Variants in FAM135B observed in about 807,000 individuals in gnomAD.
FAM135B encodes the protein family with sequence similarity 135 member B, also known as protein FAM135B.
In FAM135B, 43 loss-of-function variants were observed where a neutral mutation model predicts 127.7. The ratio of observed to expected loss-of-function variants is 0.34; its 90% CI spans 0.26 to 0.43. The LOEUF is 0.43. Among genes scored for constraint, FAM135B ranks in the 20% least tolerant of loss-of-function variants. The probability of loss-of-function intolerance (pLI) is 1.00; values close to 1 mark genes in which losing one functional copy is unlikely to be tolerated. For missense variants in FAM135B, 1,558 were observed against 1,725.6 expected, an observed-to-expected ratio of 0.90 and a Z score of 1.72; for synonymous variants, 670 against 665.1, an observed-to-expected ratio of 1.01 and a Z score of -0.11.
At position 138,299,375 on chromosome 8, in the gene FAM135B, T is replaced by C. The variant is rs535158649; in HGVS notation, c.157+11466A>G. 5.9e-5 allele frequency among the ~76,000 whole-genome samples: 9 copies of C among 152,284 alleles called. No homozygotes were observed. The South Asian group carries it at 1.9e-3, about 32-fold the overall frequency. On this transcript the variant is annotated intron_variant, in intron 3 of 19. Transcript: ENST00000395297. ...GAGGAAAGAGAAAATTTCATGTTTT[T>C]ATTATGCAGATGAACTCCCCCCTCC...
intron 2 of FAM135B, among the ~76,000 whole-genome samples, chr8:138,351,207 C>T (rs976807198): frequency 6.6e-6 from 1 of 152,170 alleles, no homozygotes; most frequent in Non-Finnish European, 1.5e-5. Context: ...TGCTCAAGTC[C>T]TAACTCCTAG....
intron 7 of FAM135B, among the ~76,000 whole-genome samples, chr8:138,210,062 G>A (rs961554203): frequency 6.6e-6 from 1 of 152,170 alleles, no homozygotes; most frequent in African/African-American, 2.4e-5. Flanking sequence ...GTCAAGCAAT[G>A]ATTACTCCCA....
intron 1 of FAM135B, among the ~76,000 whole-genome samples, chr8:138,474,265 C>T (rs1443803093): frequency 6.6e-6 from 1 of 152,090 alleles, no homozygotes; most frequent in African/African-American, 2.4e-5. Context: ...CCAGACAGAC[C>T]CCCACGAACA....
At chr8:138,210,543 G>T (rs563380860) in intron 7 of FAM135B, among the ~76,000 whole-genome samples, 15 of 152,166 alleles carry the variant, frequency 9.9e-5, no homozygotes, top group Non-Finnish European at 1.3e-4. Flanking sequence ...GGGGAAGCAA[G>T]CACTTTCTTC....
intron 1 of FAM135B, among the ~76,000 whole-genome samples, chr8:138,368,526 A>G (rs987338647): frequency 2.6e-5 from 4 of 152,202 alleles, no homozygotes; most frequent in Admixed American, 2.0e-4. Flanking sequence ...ATACTGAATA[A>G]GTTTTTGCTA....
chr8:138,192,978 G>A (rs1472186254), intron 9 of FAM135B, among the ~76,000 whole-genome samples: 1 of 152,196 alleles, frequency 6.6e-6, no homozygotes, highest in East Asian at 1.9e-4. Context: ...AAGTCACACA[G>A]TGAGTAGGTA....
At chr8:138,461,115 G>A (rs1232431960) in intron 1 of FAM135B, among the ~76,000 whole-genome samples, 1 of 152,046 alleles carries the variant, frequency 6.6e-6, no homozygotes, top group African/African-American at 2.4e-5. Context: ...GTCAGTCACT[G>A]GTCACTTCCA....
At chr8:138,264,038 G>A (rs905923713) in intron 4 of FAM135B, among the ~76,000 whole-genome samples, 20 of 152,158 alleles carry the variant, frequency 1.3e-4, no homozygotes, top group Admixed American at 1.1e-3. Flanking sequence ...GGGCCTCCCT[G>A]CTCCATCTTC....
chr8:138,463,171 G>A (rs933051653), intron 1 of FAM135B, among the ~76,000 whole-genome samples: 1 of 152,152 alleles, frequency 6.6e-6, no homozygotes, highest in African/African-American at 2.4e-5. Context: ...TGCTTCATCG[G>A]GTTCTGTTGC....
intron 1 of FAM135B, chr8:138,436,747 T>C (rs1044319421): frequency 6.6e-6 from 1 of 152,218 alleles, no homozygotes; most frequent in East Asian, 1.9e-4. Context: ...TGAAGTTAAA[T>C]GAGCTGGTAA....
At chr8:138,146,326 A>G (rs574571024) in intron 14 of FAM135B, among the ~76,000 whole-genome samples, 1 of 152,176 alleles carries the variant, frequency 6.6e-6, no homozygotes, top group Non-Finnish European at 1.5e-5. Flanking sequence ...CACTCTGCAT[A>G]CAGGAACAGT....
intron 1 of FAM135B, among the ~76,000 whole-genome samples, chr8:138,433,574 T>C (rs1028249204): frequency 4.0e-5 from 6 of 149,790 alleles, no homozygotes; most frequent in African/African-American, 1.5e-4. Context: ...AATAAAATAA[T>C]TTTAAAAGAG....
chr8:138,406,480 C>T (rs915811544), intron 1 of FAM135B, among the ~76,000 whole-genome samples: 6 of 151,274 alleles, frequency 4.0e-5, no homozygotes, highest in Non-Finnish European at 8.8e-5. Context: ...AGACAAATAT[C>T]CTTGATGAAC....
intron 7 of FAM135B, among the ~76,000 whole-genome samples, chr8:138,228,374 A>G (rs1224506901): frequency 6.6e-6 from 1 of 152,126 alleles, no homozygotes; most frequent in East Asian, 1.9e-4. Flanking sequence ...CTCCTGGTTA[A>G]TAACTATTGC....
intron 3 of FAM135B, among the ~76,000 whole-genome samples, chr8:138,307,125 C>T (rs898554389): frequency 1.3e-5 from 2 of 152,168 alleles, no homozygotes; most frequent in Non-Finnish European, 2.9e-5. Context: ...TGAATTCCCA[C>T]ATGTTGTGGG....
At chr8:138,372,701 A>C (rs1831216120) in intron 1 of FAM135B, among the ~76,000 whole-genome samples, 2 of 152,282 alleles carry the variant, frequency 1.3e-5, no homozygotes, top group East Asian at 1.9e-4. Flanking sequence ...ATACGCGCAG[A>C]CTATGTTTAG....
At position 138,259,597 on chromosome 8, in the gene FAM135B, A is replaced by G. The variant is rs148343681; in HGVS notation, c.298-2838T>C. ...GGCCACAGGAGGGACACATTCCTCT[A>G]TCAGCCTCACATAGTGCCCATCCTG... On this transcript the variant is annotated intron_variant, in intron 4 of 19. Transcript: ENST00000395297. 3.6e-3 allele frequency among the ~76,000 whole-genome samples: 542 copies of G among 152,302 alleles called. 1 individual carries two copies. Among genetic ancestry groups the G allele is most frequent in the African/African-American group, 0.012 (510 of 41,554 alleles).
rs563194643 is a variant in FAM135B, at chr8:138,141,902, CA to C, written c.3639-554del. ...CACGTGTTCAATGAATCATTATTCT[CA>C]AGTTAAATACTTATTTATTGAGAGC... On this transcript the variant is annotated intron_variant, in intron 16 of 19. Transcript: ENST00000395297. The surrounding 1 kb of genome is among the most constrained non-coding windows in gnomAD (Gnocchi z 4.7). 2.5e-4 allele frequency among the ~76,000 whole-genome samples: 38 copies of C among 152,288 alleles called. No individual in the cohort carries two copies. The highest frequency in any genetic ancestry group is 6.8e-3 in the Middle Eastern group (2 of 294).
At chr8:138,146,509 C>A (rs1817667397) in intron 14 of FAM135B, among the ~76,000 whole-genome samples, 1 of 152,136 alleles carries the variant, frequency 6.6e-6, no homozygotes. Flanking sequence ...CTCCCTACCT[C>A]CCAACTGGCC....
Sources: gnomAD v4.1 joint callset for allele counts (sites outside exome capture counted in the v4.1 genomes callset) on GRCh38, gnomAD v4.1.1 for gene constraint, Gnocchi (gnomAD v3.1) non-coding constraint, MANE v1.5 for transcripts, NCBI Gene and HGNC (gene_info 2026-07-23, HGNC 2026-07-21) for gene names.